The following SEPTIN9 variants were observed in gnomAD, a reference collection of about 807,000 sequenced individuals.
SEPTIN9 encodes the protein septin-9.
SEPTIN9 carries 13 observed loss-of-function variants against 56.6 expected under a neutral mutation model. The observed-to-expected ratio is 0.23, with a 90% CI of 0.15 to 0.37. The LOEUF is 0.37. Ranked by LOEUF, SEPTIN9 falls within the 10% of genes least tolerant of loss-of-function variation. The pLI, the probability that SEPTIN9 is intolerant of heterozygous loss-of-function variation, is 1.00. For missense variants in SEPTIN9, 650 were observed against 823.1 expected (o/e 0.79, Z 2.57); for synonymous variants, 332 against 334.1 (o/e 0.99, Z 0.07).
chr17:77,373,179 G>A (rs1464493135), intron 2 of SEPTIN9: 5 of 1,069,528 alleles, frequency 4.7e-6, no homozygotes, highest in Non-Finnish European at 5.7e-6. Flanking sequence ...GCGGCCACTC[G>A]GGCCCCAGCC....
At chr17:77,351,587 G>T (rs2034066885) in intron 2 of SEPTIN9, among the ~76,000 whole-genome samples, 1 of 152,200 alleles carries the variant, frequency 6.6e-6, no homozygotes, top group Non-Finnish European at 1.5e-5. Context: ...CAGCAGGAAG[G>T]CTGACCTCAG....
At chr17:77,473,521 A>T (rs1214390328) in intron 3 of SEPTIN9, among the ~76,000 whole-genome samples, 1 of 152,088 alleles carries the variant, frequency 6.6e-6, no homozygotes, top group Non-Finnish European at 1.5e-5. Flanking sequence ...TTTAACTGGG[A>T]TCCACGGGCC....
chr17:77,355,786 T>G (rs935280995), intron 2 of SEPTIN9, among the ~76,000 whole-genome samples: 1 of 151,468 alleles, frequency 6.6e-6, no homozygotes, highest in Non-Finnish European at 1.5e-5. Context: ...ATCGAGACCA[T>G]CCTGGCTAAC....
intron 2 of SEPTIN9, among the ~76,000 whole-genome samples, chr17:77,333,624 C>A (rs2033441342): frequency 6.6e-6 from 1 of 152,226 alleles, no homozygotes; most frequent in Admixed American, 6.5e-5. Context: ...GTGGTTCTCT[C>A]TCTGTGTTCT....
Position 77,435,242 on chromosome 17 carries a change from C to T in SEPTIN9, c.721+32539C>T, listed in dbSNP as rs898769676. ...CTGGCTTCAGTGCCCCCATCCCTAA[C>T]CACTGTCATTTACCTCTTCGGCCAG... On this transcript the variant is annotated intron_variant, in intron 3 of 11. Coordinates refer to ENST00000427177, the MANE Select transcript of SEPTIN9 (RefSeq NM_001113491.2). This position sits in a 1 kb window ranked among gnomAD's most constrained non-coding sequence, Gnocchi z 4.5. Among the ~76,000 whole-genome samples, 1 of 152,156 alleles carries T rather than the reference C, an allele frequency of 6.6e-6. No homozygotes were observed. Among genetic ancestry groups the T allele is most frequent in the Non-Finnish European group, 1.5e-5 (1 of 68,014 alleles).
chr17:77,284,086 G>A (rs924025505), intron 1 of SEPTIN9, among the ~76,000 whole-genome samples: 47 of 119,920 alleles, frequency 3.9e-4, no homozygotes, highest in African/African-American at 1.7e-3. Flanking sequence ...TGCGCTTGAA[G>A]TCCCAGCTAC....
At chr17:77,285,664 G>C (rs968478945) in intron 1 of SEPTIN9, among the ~76,000 whole-genome samples, 3 of 152,206 alleles carry the variant, frequency 2.0e-5, no homozygotes, top group Non-Finnish European at 2.9e-5. Context: ...CTCCCAAAGT[G>C]CTGGGATCAC....
At chr17:77,368,028 T>C (rs2034621366) in intron 2 of SEPTIN9, among the ~76,000 whole-genome samples, 1 of 152,212 alleles carries the variant, frequency 6.6e-6, no homozygotes, top group South Asian at 2.1e-4. Flanking sequence ...GAACCTTGAA[T>C]AATGAACCTT....
chr17:77,384,056 C>T (rs1027835635), intron 2 of SEPTIN9, among the ~76,000 whole-genome samples: 4 of 152,168 alleles, frequency 2.6e-5, no homozygotes, highest in African/African-American at 4.8e-5. Context: ...CAAGCTGGCT[C>T]CTGCCCTCAA....
intron 1 of SEPTIN9, among the ~76,000 whole-genome samples, chr17:77,293,263 C>T (rs2031655010): frequency 6.6e-6 from 1 of 152,202 alleles, no homozygotes; most frequent in Non-Finnish European, 1.5e-5. Flanking sequence ...AAGCAATCCT[C>T]CTGCCTCAGC....
At chr17:77,341,559 G>A (rs1223779333) in intron 2 of SEPTIN9, among the ~76,000 whole-genome samples, 1 of 152,158 alleles carries the variant, frequency 6.6e-6, no homozygotes, top group Admixed American at 6.5e-5. Flanking sequence ...TGGATCACCT[G>A]AGGTCAGGAG....
chr17:77,368,009 A>T (rs1033893767), intron 2 of SEPTIN9, among the ~76,000 whole-genome samples: 3 of 152,244 alleles, frequency 2.0e-5, no homozygotes, highest in Non-Finnish European at 4.4e-5. Context: ...GAATTCTGTC[A>T]CTACATGTGA....
chr17:77,437,886 T>C lies in SEPTIN9; in HGVS notation c.721+35183T>C, dbSNP rs2037403224. The stretch of plus-strand genomic sequence containing the variant: ...CCTGGCCCCAGGCCAGAGGTGACAG[T>C]GGGGGCCCCTTGCTTGCGCTGGTGA... On this transcript the variant is annotated intron_variant, in intron 3 of 11. Transcript: ENST00000427177. This position sits in a 1 kb window ranked among gnomAD's most constrained non-coding sequence, Gnocchi z 5.3. 6.6e-6 allele frequency among the ~76,000 whole-genome samples: 1 copy of C among 151,854 alleles called. No homozygotes were observed. The highest frequency in any genetic ancestry group is 6.6e-5 in the Admixed American group (1 of 15,260).
chr17:77,428,167 C>A (rs1178410585), intron 3 of SEPTIN9, among the ~76,000 whole-genome samples: 1 of 152,218 alleles, frequency 6.6e-6, no homozygotes. Flanking sequence ...TTAGCCGGAT[C>A]TCTGACTCCA....
At chr17:77,370,606 T>C (rs757540654) in intron 2 of SEPTIN9, among the ~76,000 whole-genome samples, 33 of 152,264 alleles carry the variant, frequency 2.2e-4, no homozygotes, top group Admixed American at 6.5e-5. Flanking sequence ...GCAGTCGGTC[T>C]TGCCTTCTTT....
chr17:77,416,446 G>A (rs994975844), intron 3 of SEPTIN9, among the ~76,000 whole-genome samples: 1 of 152,196 alleles, frequency 6.6e-6, no homozygotes, highest in Non-Finnish European at 1.5e-5. Flanking sequence ...TGAATAACGG[G>A]GCCGGGGAGC....
At chr17:77,316,259 C>T (rs2032702235) in intron 2 of SEPTIN9, among the ~76,000 whole-genome samples, 3 of 152,200 alleles carry the variant, frequency 2.0e-5, no homozygotes, top group African/African-American at 4.8e-5. Flanking sequence ...CCCTCGCCTC[C>T]CCCACCCTCT....
intron 2 of SEPTIN9, among the ~76,000 whole-genome samples, chr17:77,311,824 C>T (rs778746266): frequency 2.6e-5 from 4 of 152,134 alleles, no homozygotes; most frequent in African/African-American, 7.2e-5. Context: ...GGGAGCTGGT[C>T]GTGGAAGAGA....
chr17:77,336,679 G>C (rs987404942), intron 2 of SEPTIN9, among the ~76,000 whole-genome samples: 1 of 151,828 alleles, frequency 6.6e-6, no homozygotes, highest in African/African-American at 2.4e-5. Context: ...TAAATACATA[G>C]TTTTACTTCT....
Sources: gnomAD v4.1 joint callset for allele counts (sites outside exome capture counted in the v4.1 genomes callset) on GRCh38, gnomAD v4.1.1 for gene constraint, Gnocchi (gnomAD v3.1) non-coding constraint, MANE v1.5 for transcripts, NCBI Gene and HGNC (gene_info 2026-07-23, HGNC 2026-07-21) for gene names.